Variants in ACLY observed in about 807,000 individuals in gnomAD.
ACLY encodes the protein ATP citrate lyase.
Under a neutral mutation model 133.0 loss-of-function variants are expected in ACLY, and 41 were observed. The ratio of observed to expected loss-of-function variants is 0.31; its 90% confidence interval spans 0.24 to 0.40. The LOEUF (loss-of-function observed/expected upper bound fraction) is 0.40, where lower values mean the gene tolerates loss of function less well. Among genes scored for constraint, ACLY ranks in the 10% least tolerant of loss-of-function variants. The pLI, the probability that ACLY is intolerant of heterozygous loss-of-function variation, is 1.00. For missense variants in ACLY, 1,046 were observed against 1,453.8 expected, an observed-to-expected ratio of 0.72 and a Z score of 4.56; for synonymous variants, 495 against 549.3, an observed-to-expected ratio of 0.90 and a Z score of 1.38.
In ACLY at chr17:41,869,033, C is replaced by T. The variant is rs1282450694; in HGVS notation, c.3134+10G>A. On this transcript the variant is annotated intron_variant, in intron 27 of 28. Coordinates refer to ENST00000352035, the MANE Select transcript of ACLY (RefSeq NM_001096.3). ...AACGTAATGAAGAAGAAAACAGCTA[C>T]AATGCTCACCGAGTAAAGGACCCAC... 1.2e-6 allele frequency: 2 copies of T among 1,605,826 alleles called. No homozygotes were observed. Among genetic ancestry groups the T allele is most frequent in the African/African-American group, 2.7e-5 (2 of 74,654 alleles).
At chr17:41,873,463 G>GA (rs1425815633) in intron 23 of ACLY, among the ~76,000 whole-genome samples, 1 of 152,146 alleles carries the variant, frequency 6.6e-6, no homozygotes, top group African/African-American at 2.4e-5. Flanking sequence ...TGACAGGCGT[G>GA]AGCCACCGCG....
chr17:41,911,107 G>A (rs1555633572), intron 3 of ACLY, among the ~76,000 whole-genome samples: 1 of 152,214 alleles, frequency 6.6e-6, no homozygotes, highest in East Asian at 1.9e-4. Context: ...CTTCACGCCT[G>A]GGTCCATGTG....
At chr17:41,902,621 A>G (rs2049574135) in intron 10 of ACLY, among the ~76,000 whole-genome samples, 1 of 152,194 alleles carries the variant, frequency 6.6e-6, no homozygotes, top group Non-Finnish European at 1.5e-5. Flanking sequence ...TTTTGAGCCT[A>G]GAGTCTGACT....
At chr17:41,884,051 T>A (rs2048988398) in intron 19 of ACLY, 142 bp downstream of exon 19, 1 of 611,704 alleles carries the variant, frequency 1.6e-6, no homozygotes, top group African/African-American at 1.8e-5. Context: ...AGTGACAACC[T>A]TGAGGCCCCA....
At chr17:41,880,144 A>G (rs1190557707) in intron 20 of ACLY, among the ~76,000 whole-genome samples, 3 of 152,246 alleles carry the variant, frequency 2.0e-5, no homozygotes, top group African/African-American at 7.2e-5. Context: ...ACCTGTTTAC[A>G]TAACACTATG....
rs2048589705 is a variant in ACLY at position 41,871,278 on chromosome 17, G to A, written c.2937+411C>T. Reference sequence around the variant, plus strand: ...CACATCCAAAGCTTTGTATGTTGGAGTTGAAAGCTTAGGTATTCTCCCAAA... The same window carrying A: ...CACATCCAAAGCTTTGTATGTTGGAATTGAAAGCTTAGGTATTCTCCCAAA... On this transcript the variant is annotated intron_variant, in intron 25 of 28. Coordinates refer to ENST00000352035, the MANE Select transcript of ACLY (RefSeq NM_001096.3). Among the ~76,000 whole-genome samples the A allele has an allele frequency of 2.0e-5, 3 of 151,778 alleles. No homozygotes were observed. In the South Asian group the frequency reaches 6.2e-4, roughly 31 times the overall value.
intron 10 of ACLY, among the ~76,000 whole-genome samples, chr17:41,903,088 C>A (rs1295256357): frequency 1.3e-5 from 2 of 152,316 alleles, no homozygotes; most frequent in African/African-American, 2.4e-5. Flanking sequence ...CACGCCCAGC[C>A]TCTCACTTCT....
intron 20 of ACLY, among the ~76,000 whole-genome samples, chr17:41,880,590 C>T (rs2048886714): frequency 6.6e-6 from 1 of 152,120 alleles, no homozygotes. Context: ...AAGGGCTGGG[C>T]GCAGTGGTTC....
At chr17:41,878,712 G>A (rs782808207) in intron 21 of ACLY, 85 bp downstream of exon 21, 1 of 1,528,830 alleles carries the variant, frequency 6.5e-7, no homozygotes, top group Non-Finnish European at 9.0e-7. Context: ...AGGAATACAT[G>A]ATGTCCCTGT....
chr17:41,887,820 A>T, intron 16 of ACLY, 117 bp from the exon 17 acceptor site: 2 of 827,170 alleles, frequency 2.4e-6, no homozygotes, highest in South Asian at 2.9e-5. Flanking sequence ...GTCCAAGAAC[A>T]AAGTAATGTT....
At chr17:41,872,203 G>T (rs371085210) in intron 23 of ACLY, 21 bp from the exon 24 acceptor site, 2 of 1,607,196 alleles carry the variant, frequency 1.2e-6, no homozygotes, top group African/African-American at 2.7e-5. Flanking sequence ...GGGAACAAAG[G>T]CCAGGAGATG....
At chr17:41,899,067 G>C (rs560440409) in intron 11 of ACLY, among the ~76,000 whole-genome samples, 1 of 152,118 alleles carries the variant, frequency 6.6e-6, no homozygotes, top group African/African-American at 2.4e-5. Flanking sequence ...TTGAGGTCAG[G>C]AGTTTGAGAC....
At chr17:41,875,855 G>A (rs376517380) in intron 22 of ACLY, among the ~76,000 whole-genome samples, 19 of 152,154 alleles carry the variant, frequency 1.2e-4, no homozygotes, top group South Asian at 2.1e-4. Context: ...GCCTCTGCCC[G>A]GCCGCCACCC....
intron 3 of ACLY, among the ~76,000 whole-genome samples, chr17:41,911,184 C>G (rs1408186258): frequency 6.6e-6 from 1 of 152,216 alleles, no homozygotes; most frequent in African/African-American, 2.4e-5. Context: ...AAGGGCTACT[C>G]TGAGGAAGCC....
intron 10 of ACLY, chr17:41,904,373 A>T (rs1215111843): frequency 3.2e-5 from 6 of 188,114 alleles, no homozygotes; most frequent in Non-Finnish European, 6.5e-5. Flanking sequence ...AAGGGAAGGG[A>T]AGGGAAGGGA....
Position 41,898,718 on chromosome 17 carries a change from C to G in ACLY, c.1251G>C (p.Met417Ile). 1 of 1,613,984 alleles carries G rather than the reference C, an allele frequency of 6.2e-7. No homozygotes were observed. The highest frequency in any genetic ancestry group is 1.1e-5 in the South Asian group (1 of 91,032). The change falls in exon 12 of 29, where the codon ATG (methionine) becomes ATC (isoleucine). Residue 417 changes from methionine (M) to isoleucine (I), a missense_variant. Met to Ile is a conservative substitution (Grantham distance 10). Around this residue, in one of 4 missense-constraint regions of ACLY, gnomAD observed 575 missense variants for 804.2 expected, o/e 0.71. Coordinates refer to ENST00000352035, the MANE Select transcript of ACLY (RefSeq NM_001096.3). ...TGGGGATGGGCCGGTGGCCCAGGGC[C>G]ATGCCCACAATGGCCGTCATGTGAG... Reference protein sequence around the residue: ...TETHMTAIVGMALGHRPIPNQ... With the variant: ...TETHMTAIVGIALGHRPIPNQ...
intron 14 of ACLY, among the ~76,000 whole-genome samples, chr17:41,895,031 C>G (rs1351688120): frequency 6.6e-6 from 1 of 152,198 alleles, no homozygotes. Flanking sequence ...CTAGACCCCC[C>G]GGGTTCTGCT....
intron 16 of ACLY, among the ~76,000 whole-genome samples, chr17:41,891,335 G>C (rs2049205235): frequency 6.6e-6 from 1 of 152,160 alleles, no homozygotes; most frequent in South Asian, 2.1e-4. Context: ...TTTCAAGCCA[G>C]TTATGCATAG....
chr17:41,928,337 C>T lies in ACLY; in HGVS notation c.-28+2021G>A, dbSNP rs189453940. Among the ~76,000 whole-genome samples the T allele has an allele frequency of 3.0e-3, 454 of 152,196 alleles. 3 individuals carry two copies. The highest frequency in any genetic ancestry group is 0.01 in the African/African-American group (432 of 41,522). On this transcript the variant is annotated intron_variant, in intron 1 of 3. Coordinates refer to the ACLY transcript ENST00000592970. ...GAATCTCTTTGGCAACTTCATTGAA[C>T]ATCAATTGATCATATATGTGTGGAT...
Sources: gnomAD v4.1 joint callset for allele counts (sites outside exome capture counted in the v4.1 genomes callset) on GRCh38, gnomAD v4.1.1 for gene constraint, gnomAD v4.1.1 regional missense constraint, MANE v1.5 for transcripts, NCBI Gene and HGNC (gene_info 2026-07-23, HGNC 2026-07-21) for gene names.